Variants in SCUBE2 observed in about 807,000 individuals in gnomAD.
SCUBE2 encodes the protein signal peptide, CUB and EGF-like domain-containing protein 2.
SCUBE2 carries 114 observed loss-of-function variants against 125.9 expected under a neutral mutation model. The observed-to-expected ratio is 0.91, with a 90% confidence interval of 0.78 to 1.06. SCUBE2 has a LOEUF of 1.06. SCUBE2 is among the 50% of genes least tolerant of loss of function. The pLI is 0.00. For synonymous variants in SCUBE2, 459 were observed against 492.9 expected (o/e 0.93, Z 0.91); for missense variants, 1,255 against 1,301.8 (o/e 0.96, Z 0.55).
rs146489953 is a variant in SCUBE2 at position 9,047,556 on chromosome 11, C to T, written c.1802G>A (p.Cys601Tyr). ...ETNQKEVTAS[C>Y]DLSCIVKRTE... Reference sequence around the variant, plus strand: ...TCGCTTTACGATGCAGCTCAGGTCACAAGAAGCTACAGAAACAAGAGGGAC... The same window carrying T: ...TCGCTTTACGATGCAGCTCAGGTCATAAGAAGCTACAGAAACAAGAGGGAC... The change falls in exon 16 of 23, where the codon TGT becomes TAT. Residue 601 changes from cysteine to tyrosine, a missense_variant. By Grantham distance (194) the Cys-to-Tyr change is radical (BLOSUM62 -2). Transcript: ENST00000649792. The T allele has an allele frequency of 2.2e-5, 36 of 1,613,802 alleles. No homozygotes were observed. The highest frequency in any genetic ancestry group is 3.0e-5 in the Non-Finnish European group (35 of 1,179,982).
intron 7 of SCUBE2, among the ~76,000 whole-genome samples, chr11:9,061,836 G>A (rs1290556288): frequency 1.3e-5 from 2 of 152,196 alleles, no homozygotes; most frequent in African/African-American, 4.8e-5. Flanking sequence ...AGTCTGCAGA[G>A]GGGGTGCCAA....
At chr11:9,089,384 G>A (rs1862413169) in intron 2 of SCUBE2, among the ~76,000 whole-genome samples, 1 of 152,226 alleles carries the variant, frequency 6.6e-6, no homozygotes, top group African/African-American at 2.4e-5. Flanking sequence ...TGGCAGGCAT[G>A]GCTCTCCTGA....
intron 9 of SCUBE2, among the ~76,000 whole-genome samples, chr11:9,058,616 A>C (rs1371509248): frequency 1.4e-5 from 2 of 144,670 alleles, no homozygotes; most frequent in African/African-American, 2.7e-5. Flanking sequence ...AAAAAAAAAA[A>C]AAAAAAAAAA....
rs1856967330 is a variant in SCUBE2 at position 9,038,882 on chromosome 11, T to G, written c.2003-5086A>C. On this transcript the variant is annotated intron_variant, in intron 16 of 22. Coordinates refer to ENST00000649792, the MANE Select transcript of SCUBE2 (RefSeq NM_001367977.2). ...AATCTGATTTATGTTTTTCTTTTCTTTTCTTTTCTTTTCTTTTCTTTTTTC... is the reference window on the plus strand; with the variant it reads ...AATCTGATTTATGTTTTTCTTTTCTGTTCTTTTCTTTTCTTTTCTTTTTTC... 2.0e-5 allele frequency among the ~76,000 whole-genome samples: 3 copies of G among 151,972 alleles called. No individual in the cohort carries two copies. The South Asian group carries it at 6.2e-4, about 32-fold the overall frequency.
intron 16 of SCUBE2, among the ~76,000 whole-genome samples, chr11:9,039,410 C>A (rs1231179627): frequency 6.6e-6 from 1 of 152,172 alleles, no homozygotes; most frequent in African/African-American, 2.4e-5. Flanking sequence ...TCCACTTGAG[C>A]AACTGGGTGA....
Position 9,091,053 on chromosome 11 carries a change from C to A in SCUBE2, c.133+343G>T, listed in dbSNP as rs2136061315. ...ATGTGCCCGGCCCGGCCCTCAGTTT[C>A]CCCGCCTACGCTGAGGCGCGGGACC... On this transcript the variant is annotated intron_variant, in intron 1 of 22. Coordinates refer to ENST00000649792, the MANE Select transcript of SCUBE2 (RefSeq NM_001367977.2). The surrounding 1 kb of genome is among the most constrained non-coding windows in gnomAD (Gnocchi z 8.5). Among the ~76,000 whole-genome samples, 1 of 152,308 alleles carries A rather than the reference C, an allele frequency of 6.6e-6. No homozygotes were observed. Among genetic ancestry groups the A allele is most frequent in the South Asian group, 2.1e-4 (1 of 4,832 alleles).
chr11:9,058,040 A>C (rs980306787), intron 9 of SCUBE2, among the ~76,000 whole-genome samples: 1 of 152,140 alleles, frequency 6.6e-6, no homozygotes, highest in Non-Finnish European at 1.5e-5. Context: ...TGCAGCCCTT[A>C]TATGGGAAGG....
At chr11:9,085,058 C>A (rs918389202) in intron 2 of SCUBE2, among the ~76,000 whole-genome samples, 6 of 152,122 alleles carry the variant, frequency 3.9e-5, no homozygotes, top group Admixed American at 3.3e-4. Context: ...CATATCAATT[C>A]TTATAATGAC....
chr11:9,054,745 T>TTTTTTTTTTTC (rs1350882447), intron 10 of SCUBE2, among the ~76,000 whole-genome samples: 11 of 110,440 alleles, frequency 1.0e-4, no homozygotes, highest in Non-Finnish European at 1.9e-4. Flanking sequence ...TTTTTTTTTT[T>TTTTTTTTTTTC]TTTTTTTCAG....
intron 16 of SCUBE2, among the ~76,000 whole-genome samples, chr11:9,038,781 G>T (rs1856958828): frequency 6.6e-6 from 1 of 152,242 alleles, no homozygotes; most frequent in South Asian, 2.1e-4. Flanking sequence ...CAGATCACAT[G>T]GGTGCTTGAA....
intron 4 of SCUBE2, among the ~76,000 whole-genome samples, chr11:9,070,163 A>G (rs1287477598): frequency 6.6e-6 from 1 of 151,308 alleles, no homozygotes; most frequent in East Asian, 1.9e-4. Flanking sequence ...GAGAGAGAGA[A>G]GAGAGAGAGA....
At chr11:9,065,043 T>A (rs1445009852) in intron 7 of SCUBE2, 7 of 152,056 alleles carry the variant, frequency 4.6e-5, no homozygotes, top group Middle Eastern at 3.2e-3. Flanking sequence ...GAAGACTCAG[T>A]GGACACAAAA....
intron 14 of SCUBE2, 148 bp downstream of exon 14, chr11:9,050,458 C>A (rs1207081438): frequency 1.5e-6 from 1 of 652,616 alleles, no homozygotes; most frequent in Non-Finnish European, 2.7e-6. Flanking sequence ...GGGATGAGTC[C>A]CTGGAAGTTG....
chr11:9,033,504 G>A (rs985756177), intron 17 of SCUBE2, 122 bp downstream of exon 17: 29 of 1,120,740 alleles, frequency 2.6e-5, no homozygotes, highest in African/African-American at 4.7e-5. Context: ...TCGAGCCAAC[G>A]TGGTCCCTGC....
intron 2 of SCUBE2, among the ~76,000 whole-genome samples, chr11:9,082,494 A>C (rs1441751771): frequency 4.6e-5 from 7 of 152,210 alleles, no homozygotes; most frequent in African/African-American, 1.7e-4. Flanking sequence ...AAGAAATGAA[A>C]ATTTATGTCT....
chr11:9,089,800 C>T lies in SCUBE2; in HGVS notation c.163G>A (p.Asp55Asn). 6.2e-7 allele frequency: 1 copy of T among 1,613,902 alleles called. No individual in the cohort carries two copies. The highest frequency in any genetic ancestry group is 8.5e-7 in the Non-Finnish European group (1 of 1,179,906). The change falls in exon 2 of 23, where the codon GAC (aspartate) becomes AAC (asparagine). Residue 55 changes from aspartate (D) to asparagine (N), a missense_variant. Physicochemically the swap from Asp to Asn is conservative, Grantham distance 23. Coordinates refer to ENST00000649792, the MANE Select transcript of SCUBE2 (RefSeq NM_001367977.2). ...TGACACAGGGCGTCGGCATGGCAGT[C>T]ATCTAGCCCTTGGGCACACTCATCT... ...DVDECAQGLD[D>N]CHADALCQNT...
intron 2 of SCUBE2, among the ~76,000 whole-genome samples, chr11:9,083,422 T>C (rs573672666): frequency 3.9e-5 from 6 of 152,360 alleles, no homozygotes; most frequent in African/African-American, 1.4e-4. Context: ...CACAGGGTTA[T>C]GGACTTATAA....
chr11:9,044,092 T>C (rs916413916), intron 16 of SCUBE2, among the ~76,000 whole-genome samples: 1 of 152,218 alleles, frequency 6.6e-6, no homozygotes, highest in Admixed American at 6.5e-5. Context: ...ACTTCTATGT[T>C]CACCAGTAGG....
intron 2 of SCUBE2, among the ~76,000 whole-genome samples, chr11:9,085,240 TAA>T (rs1861954087): frequency 6.6e-6 from 1 of 152,192 alleles, no homozygotes; most frequent in Non-Finnish European, 1.5e-5. Context: ...GAAATTTGAA[TAA>T]AGTTTGTAGT....
Sources: gnomAD v4.1 joint callset for allele counts (sites outside exome capture counted in the v4.1 genomes callset) on GRCh38, gnomAD v4.1.1 for gene constraint, Gnocchi (gnomAD v3.1) non-coding constraint, MANE v1.5 for transcripts, NCBI Gene and HGNC (gene_info 2026-07-23, HGNC 2026-07-21) for gene names.